DOCK4: variants seen among roughly 807,000 people sequenced by gnomAD.
The protein encoded by DOCK4 is dedicator of cytokinesis protein 4.
A neutral mutation model predicts 268.1 loss-of-function variants in DOCK4; 97 were observed. The observed-to-expected ratio is 0.36, with a 90% CI of 0.31 to 0.43. The LOEUF is 0.43. Ranked by LOEUF, DOCK4 falls within the 20% of genes least tolerant of loss-of-function variation. DOCK4 has a pLI of 1.00. For missense variants in DOCK4, 2,145 were observed against 2,455.7 expected (o/e 0.87, Z 2.67); for synonymous variants, 954 against 887.2 (o/e 1.08, Z -1.34).
intron 27 of DOCK4, chr7:111,819,404 A>T (rs1180939151): frequency 6.6e-6 from 1 of 152,204 alleles, no homozygotes; most frequent in Non-Finnish European, 1.5e-5. Context: ...CATCAGAAAC[A>T]TCTACCAGGA....
At chr7:111,883,463 G>A (rs182790932) in intron 16 of DOCK4, among the ~76,000 whole-genome samples, 1 of 152,044 alleles carries the variant, frequency 6.6e-6, no homozygotes, top group Non-Finnish European at 1.5e-5. Flanking sequence ...AGCCTGCCCT[G>A]GTCTAGTATG....
chr7:112,168,911 G>T (rs1817837213), intron 1 of DOCK4, among the ~76,000 whole-genome samples: 1 of 152,184 alleles, frequency 6.6e-6, no homozygotes, highest in Admixed American at 6.5e-5. Context: ...TTAAAAAATA[G>T]TATCAGCACC....
chr7:112,104,044 T>A (rs1810923615), intron 1 of DOCK4, among the ~76,000 whole-genome samples: 1 of 152,172 alleles, frequency 6.6e-6, no homozygotes, highest in South Asian at 2.1e-4. Flanking sequence ...AGCCAGAGCT[T>A]TATTCCAACA....
intron 1 of DOCK4, among the ~76,000 whole-genome samples, chr7:112,136,019 T>C (rs1350175606): frequency 6.6e-6 from 1 of 152,214 alleles, no homozygotes; most frequent in Non-Finnish European, 1.5e-5. Context: ...AGATTTTTCC[T>C]GTGTCATACA....
intron 1 of DOCK4, among the ~76,000 whole-genome samples, chr7:112,077,830 T>A (rs1808221879): frequency 6.6e-6 from 1 of 152,134 alleles, no homozygotes; most frequent in African/African-American, 2.4e-5. Context: ...TAATAAAAAT[T>A]ATAATCAGTA....
At chr7:111,844,958 C>T in intron 24 of DOCK4, 61 bp from the exon 25 acceptor site, 4 of 1,545,856 alleles carry the variant, frequency 2.6e-6, no homozygotes, top group Middle Eastern at 2.2e-4. Context: ...TTCAATCTAA[C>T]AGAAAAGGGG....
chr7:112,189,104 A>T (rs896017391), intron 1 of DOCK4, among the ~76,000 whole-genome samples: 20 of 152,212 alleles, frequency 1.3e-4, no homozygotes, highest in Non-Finnish European at 2.9e-5. Flanking sequence ...TGGAATGGGA[A>T]GCTATAAATA....
chr7:111,910,241 T>C (rs1791982866), intron 13 of DOCK4, among the ~76,000 whole-genome samples: 1 of 152,220 alleles, frequency 6.6e-6, no homozygotes, highest in Admixed American at 6.5e-5. Context: ...AGATCTTCCA[T>C]GCCATTCCTG....
chr7:112,040,362 T>G (rs1804246042), intron 1 of DOCK4, among the ~76,000 whole-genome samples: 1 of 152,214 alleles, frequency 6.6e-6, no homozygotes, highest in Non-Finnish European at 1.5e-5. Flanking sequence ...TAAATCATTC[T>G]GCCCCAAACA....
At chr7:111,832,158 G>A (rs941875551) in intron 26 of DOCK4, among the ~76,000 whole-genome samples, 22 of 152,130 alleles carry the variant, frequency 1.4e-4, no homozygotes, top group African/African-American at 4.8e-4. Context: ...GTGTCAGTCG[G>A]GGCATTCAGG....
At chr7:111,825,319 T>C (rs1384149720) in intron 26 of DOCK4, among the ~76,000 whole-genome samples, 1 of 152,226 alleles carries the variant, frequency 6.6e-6, no homozygotes, top group Non-Finnish European at 1.5e-5. Flanking sequence ...ACAGGGTTTA[T>C]TCCAAACTCA....
At chr7:112,066,557 C>CGTATATATACACGTGTGTATAT (rs768812418) in intron 1 of DOCK4, among the ~76,000 whole-genome samples, 3 of 139,110 alleles carry the variant, frequency 2.2e-5, no homozygotes, top group East Asian at 2.1e-4. Context: ...CACATATATA[C>CGTATATATACACGTGTGTATAT]GTATATATAC....
At chr7:111,868,695 A>C (rs1806177439) in intron 21 of DOCK4, among the ~76,000 whole-genome samples, 1 of 149,948 alleles carries the variant, frequency 6.7e-6, no homozygotes, top group Admixed American at 6.7e-5. Flanking sequence ...GGCCAACAAG[A>C]GCAAAATTCC....
At chr7:111,858,484 C>T (rs2057514803) in intron 23 of DOCK4, among the ~76,000 whole-genome samples, 1 of 152,118 alleles carries the variant, frequency 6.6e-6, no homozygotes. Flanking sequence ...ATGTGGTGAG[C>T]CTCATCCACT....
intron 8 of DOCK4, among the ~76,000 whole-genome samples, 190 bp from the exon 9 acceptor site, chr7:111,945,988 A>G (rs1265285152): frequency 6.6e-6 from 1 of 152,250 alleles, no homozygotes; most frequent in Non-Finnish European, 1.5e-5. Flanking sequence ...AAAACTGGCA[A>G]AGCAGCAACT....
In DOCK4 at chr7:111,817,228, A is replaced by G. The variant is rs184598885; in HGVS notation, c.2930+5134T>C. Among the ~76,000 whole-genome samples the G allele has an allele frequency of 7.3e-3, 1,109 of 152,314 alleles. 3 individuals carry two copies. Among genetic ancestry groups the G allele is most frequent in the Non-Finnish European group, 0.011 (724 of 68,036 alleles). Reference sequence around the variant, plus strand: ...CAAGTTTGGCACATTCAGCATAGTAATATATAGTTTTGATAAAAAATAAGT... The same window carrying G: ...CAAGTTTGGCACATTCAGCATAGTAGTATATAGTTTTGATAAAAAATAAGT... On this transcript the variant is annotated intron_variant, in intron 27 of 52. Coordinates refer to ENST00000428084, the MANE Select transcript of DOCK4 (RefSeq NM_001363540.2).
At chr7:112,144,886 G>A (rs1243184346) in intron 1 of DOCK4, among the ~76,000 whole-genome samples, 2 of 152,134 alleles carry the variant, frequency 1.3e-5, no homozygotes, top group Admixed American at 6.5e-5. Flanking sequence ...GGTGTGATAA[G>A]AGGAATCTCA....
intron 1 of DOCK4, among the ~76,000 whole-genome samples, chr7:112,093,059 G>A (rs1385031515): frequency 6.6e-6 from 1 of 152,114 alleles, no homozygotes; most frequent in Non-Finnish European, 1.5e-5. Flanking sequence ...GGGGCATGTG[G>A]AGATAATTAT....
intron 1 of DOCK4, among the ~76,000 whole-genome samples, chr7:112,145,016 G>A (rs1219085628): frequency 3.3e-5 from 5 of 151,906 alleles, no homozygotes; most frequent in Non-Finnish European, 5.9e-5. Context: ...GAAATTTTCC[G>A]GTGCTTCTGT....
Sources: allele counts gnomAD v4.1 joint callset (sites outside exome capture counted in the v4.1 genomes callset), GRCh38; gene constraint gnomAD v4.1.1; transcripts MANE v1.5; gene names NCBI Gene and HGNC (gene_info 2026-07-23, HGNC 2026-07-21).